The following AVIL variants were observed in gnomAD, a reference collection of about 807,000 sequenced individuals.
AVIL encodes the protein advillin.
In AVIL, 78 loss-of-function variants were observed where a neutral mutation model predicts 109.9. The observed-to-expected ratio is 0.71, with a 90% CI of 0.59 to 0.86. The LOEUF (loss-of-function observed/expected upper bound fraction) is 0.86, where lower values mean the gene tolerates loss of function less well. AVIL is among the 40% of genes least tolerant of loss of function. AVIL has a pLI of 0.00. For missense variants in AVIL, 892 were observed against 1,016.5 expected, an observed-to-expected ratio of 0.88 and a Z score of 1.67; for synonymous variants, 367 against 379.1, an observed-to-expected ratio of 0.97 and a Z score of 0.37.
At position 57,797,716 on chromosome 12, in the gene AVIL, A is replaced by G. The variant is rs1413223808; in HGVS notation, c.*166T>C. On this transcript the variant is annotated 3_prime_UTR_variant, in exon 20 of 20. Coordinates refer to ENST00000549994, the MANE Select transcript of AVIL (RefSeq NM_006576.4). ...CATTTTAGGTATATAACAAGCAAGGAATGCAAGGATGAGAAAAAATGGAGA... is the reference window on the plus strand; with the variant it reads ...CATTTTAGGTATATAACAAGCAAGGGATGCAAGGATGAGAAAAAATGGAGA... 3 of 730,852 alleles carry G rather than the reference A, an allele frequency of 4.1e-6. No individual in the cohort carries two copies. The highest frequency in any genetic ancestry group is 1.8e-5 in the African/African-American group (1 of 54,268). The allele number at this position is 730,852 out of a possible 1,614,324, so 45.3% of individuals were successfully genotyped here. A position where few individuals can be genotyped will look rare whatever the true frequency, so the allele number is the denominator to read the frequency against.
At chr12:57,814,123 C>T (rs1206130066) in intron 3 of AVIL, 29 bp downstream of exon 3, 2 of 1,610,340 alleles carry the variant, frequency 1.2e-6, no homozygotes, top group South Asian at 2.2e-5. Context: ...AGGGGAGAGG[C>T]TCACAGGAGT....
chr12:57,814,326 A>C, intron 2 of AVIL, 100 bp from the exon 3 acceptor site: 1 of 1,205,078 alleles, frequency 8.3e-7, no homozygotes. Flanking sequence ...TGGTGGGGAG[A>C]AGGAGGGGAG....
At position 57,803,592 on chromosome 12, in the gene AVIL, G is replaced by A. The variant is rs942733223; in HGVS notation, c.1749C>T (p.Ala583=). ...LLCDGSENTV[A]EGQEPAEFWD... ...AGAACTCGGCTGGCTCCTGGCCCTCGGCCACAGTGTTCTCGCTGCCATCAC... is the reference window on the plus strand; with the variant it reads ...AGAACTCGGCTGGCTCCTGGCCCTCAGCCACAGTGTTCTCGCTGCCATCAC... The change falls in exon 15 of 20, where the codon GCC becomes GCT. Residue 583 remains alanine, a synonymous_variant. Coordinates refer to ENST00000549994, the MANE Select transcript of AVIL (RefSeq NM_006576.4). 7 of 1,613,942 alleles carry A rather than the reference G, an allele frequency of 4.3e-6. No individual in the cohort carries two copies. Among genetic ancestry groups the A allele is most frequent in the Admixed American group, 1.7e-5 (1 of 59,992 alleles).
intron 9 of AVIL, chr12:57,808,850 G>T (rs938213721): frequency 2.8e-6 from 1 of 355,304 alleles, no homozygotes; most frequent in Non-Finnish European, 5.2e-6. Flanking sequence ...ACATTTGTTT[G>T]CTCATTTATT....
At chr12:57,803,822 G>T in intron 14 of AVIL, 153 bp from the exon 15 acceptor site, 1 of 1,069,304 alleles carries the variant, frequency 9.4e-7, no homozygotes, top group Non-Finnish European at 1.3e-6. Context: ...TTGTTCTAGT[G>T]CTGGGGAGTG....
chr12:57,817,868 T>G (rs892433674), intron 1 of AVIL, among the ~76,000 whole-genome samples: 57 of 152,298 alleles, frequency 3.7e-4, no homozygotes, highest in African/African-American at 1.3e-3. Context: ...GGGTCTCTCC[T>G]TCTCCCTAAA....
intron 4 of AVIL, 64 bp downstream of exon 4, chr12:57,813,163 G>C (rs975003994): frequency 1.3e-6 from 2 of 1,507,678 alleles, no homozygotes; most frequent in African/African-American, 2.8e-5. Flanking sequence ...ATGCATGTTG[G>C]CCTTTTGGGT....
At position 57,811,060 on chromosome 12, in the gene AVIL, G is replaced by T; in HGVS notation, c.406C>A (p.Leu136Met). The T allele has an allele frequency of 1.2e-6, 2 of 1,614,162 alleles. No homozygotes were observed. The highest frequency in any genetic ancestry group is 1.3e-5 in the African/African-American group (1 of 75,022). The change falls in exon 5 of 20, where the codon CTG becomes ATG. Residue 136 changes from leucine to methionine, a missense_variant. Transcript: ENST00000549994. ...TTTCTTTTCCCTTTCACATGTAGCAGCCGCTTCACGTCGTAGGTATTGGTC... is the reference window on the plus strand; with the variant it reads ...TTTCTTTTCCCTTTCACATGTAGCATCCGCTTCACGTCGTAGGTATTGGTC... ...VETNTYDVKRLLHVKGKRNIR... is the reference protein window; with the variant it reads ...VETNTYDVKRMLHVKGKRNIR...
chr12:57,814,999 C>G (rs1249984739), intron 2 of AVIL: 1 of 152,372 alleles, frequency 6.6e-6, no homozygotes, highest in African/African-American at 2.4e-5. Context: ...GTCTCCCAGG[C>G]TGGAGTGCAG....
In AVIL at chr12:57,815,892, G is replaced by A. The variant is rs1379938155; in HGVS notation, c.66+83C>T. The stretch of plus-strand genomic sequence containing the variant: ...AAACCATAGGCTAAGGGGTGCTGGC[G>A]GGCTGTTGCCTAGCAGCCCCAGGCA... On this transcript the variant is annotated intron_variant, in intron 2 of 19. Coordinates refer to ENST00000549994, the MANE Select transcript of AVIL (RefSeq NM_006576.4). 5.0e-6 allele frequency: 8 copies of A among 1,600,700 alleles called. No individual in the cohort carries two copies. The East Asian group carries it at 1.1e-4, about 22-fold the overall frequency.
Position 57,808,307 on chromosome 12 carries a change from G to T in AVIL, c.1094-13C>A, listed in dbSNP as rs76705486. On this transcript the variant is annotated splice_polypyrimidine_tract_variant and intron_variant, in intron 10 of 19. Transcript: ENST00000549994. ...TGGAAAACTTTAGCTGTGGAGAAAG[G>T]GTTGGGAAAAGCCGAGTGAGTAAGA... is the stretch of plus-strand genomic sequence containing the variant. 23,595 of 1,614,154 alleles carry T rather than the reference G, an allele frequency of 0.015. 246 individuals are homozygous for T. The highest frequency in any genetic ancestry group is 0.018 in the Non-Finnish European group (21,450 of 1,180,014).
Position 57,802,291 on chromosome 12 carries a change from T to C in AVIL, c.2020A>G (p.Thr674Ala). 6.2e-7 allele frequency: 1 copy of C among 1,614,118 alleles called. No homozygotes were observed. ...NATEKESALA[T>A]AQQYLHTHPS... is the part of the protein sequence containing the mutation. The stretch of plus-strand genomic sequence containing the variant: ...TGAGTGTGCAGGTACTGCTGTGCTG[T>C]GGCAAGGGCACTCTCCTTCTCCGTG... The change falls in exon 17 of 20, where the codon ACA becomes GCA. Residue 674 changes from threonine (T) to alanine (A), a missense_variant. Transcript: ENST00000549994.
In AVIL at chr12:57,803,557, A is replaced by T; in HGVS notation, c.1784T>A (p.Leu595Gln). The change falls in exon 15 of 20, where the codon CTG (leucine) becomes CAG (glutamine). Residue 595 changes from leucine to glutamine, a missense_variant. Coordinates refer to ENST00000549994, the MANE Select transcript of AVIL (RefSeq NM_006576.4). ...GQEPAEFWDL[L>Q]GGKTPYANDK... ...ATTGGCATAGGGAGTTTTCCCTCCC[A>T]GTAGGTCCCAGAACTCGGCTGGCTC... is the stretch of plus-strand genomic sequence containing the variant. 6.2e-7 allele frequency: 1 copy of T among 1,614,172 alleles called. No homozygotes were observed.
At chr12:57,811,238 C>T (rs1360713500) in intron 4 of AVIL, 111 bp from the exon 5 acceptor site, 2 of 1,017,738 alleles carry the variant, frequency 2.0e-6, no homozygotes, top group Non-Finnish European at 3.0e-6. Flanking sequence ...AGTACATCAG[C>T]AAGGTAAATA....
At chr12:57,814,269 C>T (rs1200338970) in intron 2 of AVIL, 43 bp from the exon 3 acceptor site, 4 of 1,562,642 alleles carry the variant, frequency 2.6e-6, no homozygotes, top group South Asian at 2.3e-5. Flanking sequence ...CCCCTCCCAC[C>T]TCCCTTCCCC....
At position 57,806,426 on chromosome 12, in the gene AVIL, G is replaced by A; in HGVS notation, c.1605C>T (p.Ser535=). The change falls in exon 14 of 20, where the codon TCC becomes TCT. Residue 535 remains serine (S), a synonymous_variant. Coordinates refer to ENST00000549994, the MANE Select transcript of AVIL (RefSeq NM_006576.4). ...GAAAGACATCATTGGAGTTTAGGGA[G>A]GAGGCAAAGGCTGGAACTTCCACTG... is the stretch of plus-strand genomic sequence containing the variant. The part of the protein sequence containing the change: ...TKAVEVPAFA[S]SLNSNDVFLL... 6.2e-7 allele frequency: 1 copy of A among 1,614,116 alleles called. No individual in the cohort carries two copies.
chr12:57,802,675 T>G, intron 16 of AVIL: 1 of 635,152 alleles, frequency 1.6e-6, no homozygotes, highest in Non-Finnish European at 2.8e-6. Flanking sequence ...GATGTAGCTC[T>G]TCTTTACTAA....
intron 14 of AVIL, 51 bp from the exon 15 acceptor site, chr12:57,803,720 G>T (rs772755288): frequency 1.3e-6 from 2 of 1,590,318 alleles, no homozygotes; most frequent in Non-Finnish European, 1.7e-6. Flanking sequence ...GGGGCACTTC[G>T]ATGTGGAAAG....
In AVIL at chr12:57,807,662, C is replaced by T; in HGVS notation, c.1260G>A (p.Gly420=). Residue 420 remains glycine, a synonymous_variant, in exon 12 of 20, where the codon GGG becomes GGA. Transcript: ENST00000549994. Reference sequence around the variant, plus strand: ...TGTAGAGGACCAGATAACAGTCTCCCCCATAAAAGAAGCCATACCATTGAT... The same window carrying T: ...TGTAGAGGACCAGATAACAGTCTCCTCCATAAAAGAAGCCATACCATTGAT... The part of the protein sequence containing the change: ...VEYQWYGFFY[G]GDCYLVLYTY... 6.2e-7 allele frequency: 1 copy of T among 1,614,184 alleles called. No homozygotes were observed. Among genetic ancestry groups the T allele is most frequent in the Non-Finnish European group, 8.5e-7 (1 of 1,180,042 alleles).
Sources: gnomAD v4.1 joint callset for allele counts (sites outside exome capture counted in the v4.1 genomes callset) on GRCh38, gnomAD v4.1.1 for gene constraint, MANE v1.5 for transcripts, NCBI Gene and HGNC (gene_info 2026-07-23, HGNC 2026-07-21) for gene names.